GABRB2: variants seen among roughly 807,000 people sequenced by gnomAD.
GABRB2 encodes the protein gamma-aminobutyric acid receptor subunit beta-2.
A neutral mutation model predicts 54.7 loss-of-function variants in GABRB2; 16 were observed. The ratio of observed to expected loss-of-function variants is 0.29; its 90% CI spans 0.20 to 0.44. The LOEUF is 0.44. Ranked by LOEUF, GABRB2 falls within the 20% of genes least tolerant of loss-of-function variation. The pLI is 1.00. For synonymous variants in GABRB2, 244 were observed against 233.8 expected, an observed-to-expected ratio of 1.04 and a Z score of -0.40; for missense variants, 355 against 644.0, an observed-to-expected ratio of 0.55 and a Z score of 4.86.
At chr5:161,514,668 T>C (rs1759881220) in intron 3 of GABRB2, among the ~76,000 whole-genome samples, 6 of 152,268 alleles carry the variant, frequency 3.9e-5, no homozygotes, top group Admixed American at 3.9e-4. Flanking sequence ...TGTAAAATTA[T>C]GTGCTCTAAA....
rs564495227 is a variant in GABRB2 at position 161,521,959 on chromosome 5, A to T, written c.237+23268T>A. Among the ~76,000 whole-genome samples, 4 of 152,020 alleles carry T rather than the reference A, an allele frequency of 2.6e-5. No individual in the cohort carries two copies. The East Asian group carries it at 5.8e-4, about 22-fold the overall frequency. ...TGACAAATATTTCCAAATGAATCAG[A>T]GAAGATTGAGTTGCCTTTCTAGCAT... On this transcript the variant is annotated intron_variant, in intron 3 of 9. Coordinates refer to ENST00000393959, the MANE Select transcript of GABRB2 (RefSeq NM_001371727.1).
At chr5:161,307,085 A>G (rs1475274040) in intron 9 of GABRB2, among the ~76,000 whole-genome samples, 1 of 152,178 alleles carries the variant, frequency 6.6e-6, no homozygotes, top group African/African-American at 2.4e-5. Flanking sequence ...GATTTCTAAT[A>G]TTTGCTGCAT....
chr5:161,466,424 T>C (rs1045380427), intron 3 of GABRB2, among the ~76,000 whole-genome samples: 3 of 152,052 alleles, frequency 2.0e-5, no homozygotes, highest in African/African-American at 7.2e-5. Context: ...TATTGTGGGG[T>C]ATTTTTGCAT....
intron 4 of GABRB2, among the ~76,000 whole-genome samples, chr5:161,439,150 T>C (rs374176074): frequency 6.6e-6 from 1 of 152,052 alleles, no homozygotes; most frequent in Admixed American, 6.5e-5. Context: ...CCTAAAAGCA[T>C]CAAGAGAAAA....
intron 8 of GABRB2, 138 bp downstream of exon 8, chr5:161,330,745 T>C: frequency 3.3e-6 from 4 of 1,215,144 alleles, no homozygotes; most frequent in Non-Finnish European, 4.6e-6. Flanking sequence ...TCATTAATTG[T>C]TTGTGTGCTT....
Position 161,514,917 on chromosome 5 carries a change from A to T in GABRB2, c.237+30310T>A, listed in dbSNP as rs552629768. On this transcript the variant is annotated intron_variant, in intron 3 of 9. Coordinates refer to ENST00000393959, the MANE Select transcript of GABRB2 (RefSeq NM_001371727.1). ...ATATACTTTACTCTCATAATTGTTA[A>T]TGACTTTAAGATGAGAAAATGTATG... Among the ~76,000 whole-genome samples the T allele has an allele frequency of 2.6e-5, 4 of 152,316 alleles. No individual in the cohort carries two copies. In the South Asian group the frequency reaches 8.3e-4, roughly 32 times the overall value.
At chr5:161,410,120 G>C (rs1756463516) in intron 5 of GABRB2, among the ~76,000 whole-genome samples, 1 of 152,048 alleles carries the variant, frequency 6.6e-6, no homozygotes, top group Non-Finnish European at 1.5e-5. Context: ...TAGAATTCTG[G>C]ATATAAAATT....
intron 8 of GABRB2, among the ~76,000 whole-genome samples, chr5:161,327,749 C>T (rs1160732483): frequency 6.6e-6 from 1 of 152,118 alleles, no homozygotes; most frequent in Non-Finnish European, 1.5e-5. Flanking sequence ...ACACTCCTTC[C>T]ATCTTTAGGA....
intron 3 of GABRB2, among the ~76,000 whole-genome samples, chr5:161,469,361 A>C (rs1230449998): frequency 1.3e-5 from 2 of 151,974 alleles, no homozygotes; most frequent in Non-Finnish European, 2.9e-5. Context: ...AACAAAGCAT[A>C]AATTTCTTTT....
At chr5:161,406,719 T>G (rs978004151) in intron 5 of GABRB2, among the ~76,000 whole-genome samples, 1 of 152,010 alleles carries the variant, frequency 6.6e-6, no homozygotes, top group Non-Finnish European at 1.5e-5. Flanking sequence ...TCTCAGGTAA[T>G]CAGTGACTCT....
chr5:161,453,235 G>A (rs191807473), intron 4 of GABRB2, among the ~76,000 whole-genome samples: 1 of 152,234 alleles, frequency 6.6e-6, no homozygotes, highest in East Asian at 1.9e-4. Context: ...TCTCTTGATG[G>A]AAATCTCTAA....
chr5:161,482,168 C>T (rs1758781474), intron 3 of GABRB2, among the ~76,000 whole-genome samples: 2 of 152,004 alleles, frequency 1.3e-5, no homozygotes, highest in African/African-American at 4.8e-5. Flanking sequence ...CATTAAAGTA[C>T]TCTCCAGGGA....
At chr5:161,501,585 A>C (rs924787538) in intron 3 of GABRB2, among the ~76,000 whole-genome samples, 1 of 152,146 alleles carries the variant, frequency 6.6e-6, no homozygotes, top group Non-Finnish European at 1.5e-5. Flanking sequence ...TTACTACCAC[A>C]GTTTTTCAAT....
chr5:161,324,693 A>G (rs1360299820), intron 9 of GABRB2, among the ~76,000 whole-genome samples: 1 of 152,100 alleles, frequency 6.6e-6, no homozygotes, highest in Non-Finnish European at 1.5e-5. Flanking sequence ...GTTTACTAGA[A>G]AGCTTGTTAT....
chr5:161,429,478 C>G (rs1455453114), intron 4 of GABRB2, among the ~76,000 whole-genome samples: 1 of 151,536 alleles, frequency 6.6e-6, no homozygotes, highest in Non-Finnish European at 1.5e-5. Context: ...CCAGATTTTG[C>G]TAGATACAGT....
At chr5:161,304,062 C>A (rs1580962477) in intron 9 of GABRB2, among the ~76,000 whole-genome samples, 1 of 152,112 alleles carries the variant, frequency 6.6e-6, no homozygotes, top group South Asian at 2.1e-4. Context: ...ACTGAGAGGG[C>A]TAGAGTAAGT....
chr5:161,446,990 C>T (rs1757652777), intron 4 of GABRB2, among the ~76,000 whole-genome samples: 1 of 152,022 alleles, frequency 6.6e-6, no homozygotes, highest in African/African-American at 2.4e-5. Context: ...AAAGTCATCT[C>T]CCTCTTATCC....
At chr5:161,400,665 C>T (rs1487123359) in intron 5 of GABRB2, among the ~76,000 whole-genome samples, 5 of 152,106 alleles carry the variant, frequency 3.3e-5, no homozygotes, top group African/African-American at 9.7e-5. Context: ...ATCATTTAGG[C>T]GTTAAGAAAA....
At chr5:161,470,704 G>A (rs896629909) in intron 3 of GABRB2, among the ~76,000 whole-genome samples, 1 of 151,852 alleles carries the variant, frequency 6.6e-6, no homozygotes, top group African/African-American at 2.4e-5. Context: ...CCTCTGAACG[G>A]CACTCAATTT....
Sources: allele counts gnomAD v4.1 joint callset (sites outside exome capture counted in the v4.1 genomes callset), GRCh38; gene constraint gnomAD v4.1.1; transcripts MANE v1.5; gene names NCBI Gene and HGNC (gene_info 2026-07-23, HGNC 2026-07-21).